WNT5B: variants seen among roughly 807,000 people sequenced by gnomAD.
WNT5B encodes the protein Wnt family member 5B.
Under a neutral mutation model 36.5 loss-of-function variants are expected in WNT5B, and 18 were observed. That is an observed-to-expected ratio of 0.49 (90% CI 0.34 to 0.73). The LOEUF is 0.73. WNT5B is among the 30% of genes least tolerant of loss of function. WNT5B has a pLI of 0.01. For missense variants in WNT5B, 424 were observed against 508.4 expected (o/e 0.83, Z 1.60); for synonymous variants, 213 against 212.3 (o/e 1.00, Z -0.03).
At chr12:1,629,826 G>A (rs1163386731) in intron 1 of WNT5B, 1 of 147,658 alleles carries the variant, frequency 6.8e-6, no homozygotes, top group Non-Finnish European at 1.5e-5. Flanking sequence ...GAGGGGGAGG[G>A]GCATCCTCCA....
intron 3 of WNT5B, among the ~76,000 whole-genome samples, chr12:1,639,254 C>T (rs1386114656): frequency 6.6e-6 from 1 of 151,412 alleles, no homozygotes; most frequent in Non-Finnish European, 1.5e-5. Context: ...TCTCCTGCCT[C>T]AGCCTCCCGA....
chr12:1,617,144 G>A lies in WNT5B; in HGVS notation c.-58+1G>A, dbSNP rs557832091. 9 of 152,304 alleles carry A rather than the reference G, an allele frequency of 5.9e-5. No individual in the cohort carries two copies. The highest frequency in any genetic ancestry group is 3.9e-4 in the Admixed American group (6 of 15,296). 9.4% of individuals were successfully genotyped at this position (152,304 alleles called of 1,614,324 possible). On this transcript the variant is annotated splice_donor_variant, in intron 1 of 4. Transcript: ENST00000310594. LOFTEE classifies it low-confidence loss of function (5UTR_SPLICE). ...AAGAGAGCGAGAAGACTGGAATCAG[G>A]TGAGGCCATAACTTCTTATCTAAAC...
rs555820458 is a variant in WNT5B, at chr12:1,631,261, A to C, written c.-57-37A>C. 2.6e-6 allele frequency: 4 copies of C among 1,561,854 alleles called. No individual in the cohort carries two copies. The African/African-American group carries it at 5.4e-5, about 21-fold the overall frequency. On this transcript the variant is annotated intron_variant, in intron 1 of 4. Transcript: ENST00000397196. ...GCTCCTGGTCTGCCCTTATCCGCTG[A>C]GTTTCCACACTGACTCTCCATTTCT...
rs1227977765 is a variant in WNT5B at position 1,618,739 on chromosome 12, G to A, written c.-58+1596G>A. 1.3e-5 allele frequency among the ~76,000 whole-genome samples: 2 copies of A among 152,130 alleles called. No homozygotes were observed. The highest frequency in any genetic ancestry group is 4.8e-5 in the African/African-American group (2 of 41,418). The stretch of plus-strand genomic sequence containing the variant: ...AATTGTGCTTTTCCAAGTAAGATGA[G>A]TCATCTGAGATCTGCCATTTCTGGG... On this transcript the variant is annotated intron_variant, in intron 1 of 4. Coordinates refer to the WNT5B transcript ENST00000310594. The surrounding 1 kb of genome is among the most constrained non-coding windows in gnomAD (Gnocchi z 4.1).
In WNT5B at chr12:1,639,912, C is replaced by T. The variant is rs141810959; in HGVS notation, c.557C>T (p.Ala186Val). Reference protein sequence around the residue: ...VDAREREKNFAKGSEEQGRVL... With the variant: ...VDAREREKNFVKGSEEQGRVL... The stretch of plus-strand genomic sequence containing the variant: ...GCCCGGGAGCGAGAGAAGAACTTTG[C>T]CAAAGGATCAGAGGAGCAGGGCCGG... The change falls in exon 4 of 5, where the codon GCC becomes GTC. Residue 186 changes from alanine (A) to valine (V), a missense_variant. Transcript: ENST00000397196. 5 of 1,614,044 alleles carry T rather than the reference C, an allele frequency of 3.1e-6. No individual in the cohort carries two copies. The East Asian group carries it at 1.1e-4, about 36-fold the overall frequency.
chr12:1,643,626 A>G (rs1297267310), intron 4 of WNT5B, among the ~76,000 whole-genome samples: 1 of 151,114 alleles, frequency 6.6e-6, no homozygotes, highest in African/African-American at 2.4e-5. Flanking sequence ...TTGGCCTCCT[A>G]AAGTGCTGGG....
upstream of WNT5B, among the ~76,000 whole-genome samples, chr12:1,628,793 C>G (rs1234411763): frequency 6.6e-6 from 1 of 151,242 alleles, no homozygotes; most frequent in Non-Finnish European, 1.5e-5. Flanking sequence ...CCCACCCCAG[C>G]CCACCCCAGC....
intron 3 of WNT5B, among the ~76,000 whole-genome samples, chr12:1,638,312 A>C (rs987192641): frequency 9.8e-5 from 15 of 152,362 alleles, no homozygotes; most frequent in Admixed American, 8.5e-4. Flanking sequence ...TGAGCATAGT[A>C]AAACGAGGAG....
In WNT5B at chr12:1,638,880, G is replaced by C. The variant is rs566946063; in HGVS notation, c.329-804G>C. 2.8e-4 allele frequency among the ~76,000 whole-genome samples: 43 copies of C among 152,302 alleles called. 1 individual carries two copies. In the South Asian group the frequency reaches 3.9e-3, roughly 14 times the overall value. ...CTAGCTAGATAATGGCAGCAGTACC[G>C]ACAGACAGATGTGCAGCTCATAGAG... On this transcript the variant is annotated intron_variant, in intron 3 of 4. Transcript: ENST00000397196.
At chr12:1,617,652 A>G (rs971041747) in intron 1 of WNT5B, among the ~76,000 whole-genome samples, 1 of 152,144 alleles carries the variant, frequency 6.6e-6, no homozygotes, top group African/African-American at 2.4e-5. Flanking sequence ...AAGAAAAAGA[A>G]AAAAGAACTG....
chr12:1,646,024 C>T lies in WNT5B; in HGVS notation c.852C>T (p.Ser284=). Residue 284 remains serine (S), a synonymous_variant, in exon 5 of 5, where the codon AGC becomes AGT. Transcript: ENST00000397196. ...AGGACCTGGTCTATGTGGACCCCAGCCCCGACTACTGCCTGCGCAACGAGA... is the reference window on the plus strand; with the variant it reads ...AGGACCTGGTCTATGTGGACCCCAGTCCCGACTACTGCCTGCGCAACGAGA... ...TPEDLVYVDP[S]PDYCLRNEST... is the part of the protein sequence containing the mutation. 6.2e-7 allele frequency: 1 copy of T among 1,612,832 alleles called. No individual in the cohort carries two copies. The highest frequency in any genetic ancestry group is 8.5e-7 in the Non-Finnish European group (1 of 1,179,974).
rs2094586885 is a variant in WNT5B at position 1,646,994 on chromosome 12, G to T, written c.*742G>T. 1 of 152,250 alleles carries T rather than the reference G, an allele frequency of 6.6e-6. No individual in the cohort carries two copies. Among genetic ancestry groups the T allele is most frequent in the African/African-American group, 2.4e-5 (1 of 41,458 alleles). The allele number at this position is 152,250 out of a possible 1,614,324, so 9.4% of individuals were successfully genotyped here. ...CCCTAAACTGAATGTTTGCGCCTGGGCTGCAGAAGCCAGGGTGCATGACCA... is the reference window on the plus strand; with the variant it reads ...CCCTAAACTGAATGTTTGCGCCTGGTCTGCAGAAGCCAGGGTGCATGACCA... On this transcript the variant is annotated 3_prime_UTR_variant, in exon 5 of 5. Coordinates refer to ENST00000397196, the MANE Select transcript of WNT5B (RefSeq NM_032642.3).
At chr12:1,636,543 T>TATACAC (rs2094562071) in intron 3 of WNT5B, among the ~76,000 whole-genome samples, 2 of 10,948 alleles carry the variant, frequency 1.8e-4, no homozygotes, top group African/African-American at 2.2e-4. Flanking sequence ...ATATATATAC[T>TATACAC]TTTTTTTTTT....
upstream of WNT5B, among the ~76,000 whole-genome samples, chr12:1,624,257 G>C (rs780153321): frequency 2.6e-5 from 4 of 151,868 alleles, no homozygotes; most frequent in African/African-American, 7.3e-5. Context: ...GTGGTGGCAG[G>C]CACCTGTAAT....
chr12:1,622,378 A>T (rs958254195), intron 1 of WNT5B, among the ~76,000 whole-genome samples: 1 of 152,102 alleles, frequency 6.6e-6, no homozygotes, highest in Admixed American at 6.5e-5. Context: ...GCACTCCCCA[A>T]GGTCTTACAC....
intron 3 of WNT5B, among the ~76,000 whole-genome samples, chr12:1,634,603 G>C (rs1255695981): frequency 6.6e-6 from 1 of 152,132 alleles, no homozygotes; most frequent in East Asian, 1.9e-4. Context: ...CCTTCTGTTT[G>C]CCTAATTTTC....
chr12:1,643,673 A>G (rs55797603), intron 4 of WNT5B, among the ~76,000 whole-genome samples: 4,965 of 140,422 alleles, frequency 0.035, 120 homozygotes, highest in Middle Eastern at 0.068. Context: ...GCGAACTAAA[A>G]CATTTTTGAA....
rs1299538155 is a variant in WNT5B, at chr12:1,618,268, A to G, written c.-58+1125A>G. On this transcript the variant is annotated intron_variant, in intron 1 of 4. Transcript: ENST00000310594. This position sits in a 1 kb window ranked among gnomAD's most constrained non-coding sequence, Gnocchi z 4.1. The stretch of plus-strand genomic sequence containing the variant: ...CAGTAGTACCTCTACTTGGTAGCAC[A>G]AGACACATTTTTATTCTAATTAGCG... Among the ~76,000 whole-genome samples, 1 of 152,226 alleles carries G rather than the reference A, an allele frequency of 6.6e-6. No individual in the cohort carries two copies. Among genetic ancestry groups the G allele is most frequent in the African/African-American group, 2.4e-5 (1 of 41,464 alleles).
chr12:1,632,874 C>T lies in WNT5B; in HGVS notation c.297C>T (p.Asn99=), dbSNP rs777122670. The T allele has an allele frequency of 3.7e-5, 59 of 1,613,636 alleles. 1 individual carries two copies. The South Asian group carries it at 4.1e-4, about 11-fold the overall frequency. ...QRRWNCSTAD[N]ASVFGRVMQI... is the part of the protein sequence containing the mutation. ...GGTGGAATTGCAGCACAGCGGACAA[C>T]GCATCTGTCTTTGGGAGAGTCATGC... is the stretch of plus-strand genomic sequence containing the variant. Residue 99 remains asparagine (N), a synonymous_variant, in exon 3 of 5, where the codon AAC becomes AAT. Transcript: ENST00000397196. This position sits in a 1 kb window ranked among gnomAD's most constrained non-coding sequence, Gnocchi z 5.8.
Sources: allele counts gnomAD v4.1 joint callset (sites outside exome capture counted in the v4.1 genomes callset), GRCh38; gene constraint gnomAD v4.1.1; non-coding constraint Gnocchi (gnomAD v3.1); transcripts MANE v1.5; gene names NCBI Gene and HGNC (gene_info 2026-07-23, HGNC 2026-07-21).